Variants in ATE1 observed in about 807,000 individuals in gnomAD.
ATE1 encodes the protein arginyl-tRNA--protein transferase 1.
ATE1 carries 36 observed loss-of-function variants against 70.5 expected under a neutral mutation model. The observed-to-expected ratio is 0.51, with a 90% CI of 0.39 to 0.67. The LOEUF is 0.67. ATE1 is among the 30% of genes least tolerant of loss of function. The pLI is 0.00. For missense variants in ATE1, 593 were observed against 629.5 expected (o/e 0.94, Z 0.62); for synonymous variants, 232 against 219.3 (o/e 1.06, Z -0.51).
chr10:121,843,740 G>T (rs143808214), intron 8 of ATE1, among the ~76,000 whole-genome samples: 1,872 of 151,130 alleles, frequency 0.012, 18 homozygotes, highest in Middle Eastern at 0.035. Context: ...AAAAAAAAAG[G>T]AATCCAGACA....
chr10:121,924,568 C>A (rs185685458), intron 1 of ATE1, among the ~76,000 whole-genome samples: 12 of 151,558 alleles, frequency 7.9e-5, no homozygotes, highest in African/African-American at 2.9e-4. Flanking sequence ...GGCATAGTGG[C>A]GGGCGCCTGT....
At chr10:121,875,138 CAAA>C (rs1276048988) in intron 7 of ATE1, among the ~76,000 whole-genome samples, 8 of 79,384 alleles carry the variant, frequency 1.0e-4, no homozygotes, top group Admixed American at 1.5e-4. Flanking sequence ...GACTCCGTCT[CAAA>C]AAAAAAAAAA....
chr10:121,804,582 T>C (rs1485320036), intron 10 of ATE1, among the ~76,000 whole-genome samples: 2 of 152,162 alleles, frequency 1.3e-5, no homozygotes, highest in African/African-American at 4.8e-5. Context: ...GATTATACTT[T>C]TGGGCGTAAA....
chr10:121,798,868 CA>C (rs1343086058), intron 10 of ATE1, among the ~76,000 whole-genome samples: 84 of 149,842 alleles, frequency 5.6e-4, no homozygotes, highest in Non-Finnish European at 5.8e-4. Flanking sequence ...CACTGCATTC[CA>C]GCCTGGGTGA....
At chr10:121,927,074 G>A (rs927240389) in intron 1 of ATE1, 3 of 985,280 alleles carry the variant, frequency 3.0e-6, no homozygotes, top group South Asian at 4.7e-5. Context: ...TAAAATAATA[G>A]AGTCTACATT....
chr10:121,889,620 T>A (rs1035439460), intron 7 of ATE1, among the ~76,000 whole-genome samples: 1 of 152,104 alleles, frequency 6.6e-6, no homozygotes, highest in Non-Finnish European at 1.5e-5. Flanking sequence ...CTGAGCAATA[T>A]AGCAAGACTC....
At chr10:121,864,112 A>C (rs560361098) in intron 8 of ATE1, among the ~76,000 whole-genome samples, 125 of 152,312 alleles carry the variant, frequency 8.2e-4, no homozygotes, top group African/African-American at 2.9e-3. Flanking sequence ...CTAAAATTTA[A>C]AAAATTTAAA....
chr10:121,810,921 T>C (rs1947294876), intron 10 of ATE1, among the ~76,000 whole-genome samples: 1 of 152,148 alleles, frequency 6.6e-6, no homozygotes, highest in African/African-American at 2.4e-5. Flanking sequence ...CAGGCTGGTC[T>C]CGAACTCCTG....
intron 10 of ATE1, among the ~76,000 whole-genome samples, chr10:121,795,445 G>A (rs1215653499): frequency 6.6e-6 from 1 of 152,102 alleles, no homozygotes; most frequent in Non-Finnish European, 1.5e-5. Context: ...AAATATGACA[G>A]TGTACAACTG....
chr10:121,794,140 C>T (rs934127229), intron 10 of ATE1, among the ~76,000 whole-genome samples: 4 of 152,164 alleles, frequency 2.6e-5, no homozygotes, highest in Non-Finnish European at 2.9e-5. Flanking sequence ...AGACTTTCTA[C>T]GTATCCTGTT....
At chr10:121,763,239 C>A (rs1945129882) in intron 11 of ATE1, among the ~76,000 whole-genome samples, 1 of 152,088 alleles carries the variant, frequency 6.6e-6, no homozygotes, top group Non-Finnish European at 1.5e-5. Context: ...ACCATATGAT[C>A]TAGTAATTGC....
At chr10:121,745,489 GGCAA>G (rs1944317931) in intron 11 of ATE1, among the ~76,000 whole-genome samples, 1 of 151,966 alleles carries the variant, frequency 6.6e-6, no homozygotes, top group Non-Finnish European at 1.5e-5. Flanking sequence ...GGCCAAGGTG[GGCAA>G]ATCACGAGGT....
chr10:121,803,229 G>A (rs11200168), intron 10 of ATE1, among the ~76,000 whole-genome samples: 70,712 of 151,916 alleles, frequency 0.47, 16,505 homozygotes, highest in East Asian at 0.58. Flanking sequence ...TGTATGGACC[G>A]AATTCTCAAT....
At chr10:121,797,376 T>C (rs1946699126) in intron 10 of ATE1, among the ~76,000 whole-genome samples, 1 of 152,212 alleles carries the variant, frequency 6.6e-6, no homozygotes, top group Non-Finnish European at 1.5e-5. Flanking sequence ...TTTTAAATTG[T>C]ACAATTCAGC....
intron 11 of ATE1, among the ~76,000 whole-genome samples, chr10:121,763,619 G>A (rs1945148423): frequency 6.6e-6 from 1 of 152,212 alleles, no homozygotes; most frequent in Non-Finnish European, 1.5e-5. Flanking sequence ...GGGATGAACA[G>A]ATGCAGCACA....
intron 1 of ATE1, chr10:121,927,419 G>A: frequency 2.0e-6 from 2 of 984,026 alleles, no homozygotes; most frequent in Non-Finnish European, 2.4e-6. Context: ...ATTCATACAT[G>A]ACCGGCACCT....
At chr10:121,915,656 G>A (rs893608869) in intron 3 of ATE1, among the ~76,000 whole-genome samples, 4 of 152,066 alleles carry the variant, frequency 2.6e-5, no homozygotes, top group Non-Finnish European at 5.9e-5. Flanking sequence ...TTGGGAGGCC[G>A]AGGCAGGCGG....
At chr10:121,813,805 CTTCCCAGCTCCCT>C (rs1947422464) in intron 10 of ATE1, among the ~76,000 whole-genome samples, 1 of 152,216 alleles carries the variant, frequency 6.6e-6, no homozygotes, top group African/African-American at 2.4e-5. Context: ...TTTTGCTCCC[CTTCCCAGCTCCCT>C]GCTCTCTCAT....
At chr10:121,777,978 A>G (rs994878820) in intron 11 of ATE1, among the ~76,000 whole-genome samples, 6 of 152,262 alleles carry the variant, frequency 3.9e-5, no homozygotes, top group African/African-American at 1.4e-4. Flanking sequence ...AGACTTATAC[A>G]TTGAAAATAA....
Sources: gnomAD v4.1 joint callset for allele counts (sites outside exome capture counted in the v4.1 genomes callset) on GRCh38, gnomAD v4.1.1 for gene constraint, MANE v1.5 for transcripts, NCBI Gene and HGNC (gene_info 2026-07-23, HGNC 2026-07-21) for gene names.